NLGN1: variants seen among roughly 807,000 people sequenced by gnomAD.
The protein encoded by NLGN1 is neuroligin-1.
Under a neutral mutation model 65.5 loss-of-function variants are expected in NLGN1, and 12 were observed. The ratio of observed to expected loss-of-function variants is 0.18; its 90% confidence interval spans 0.12 to 0.30. The LOEUF (loss-of-function observed/expected upper bound fraction) is 0.30. Among genes scored for constraint, NLGN1 ranks in the 10% least tolerant of loss-of-function variants. NLGN1 has a pLI of 1.00. For synonymous variants in NLGN1, 350 were observed against 359.5 expected, an observed-to-expected ratio of 0.97 and a Z score of 0.30; for missense variants, 750 against 1,007.1, an observed-to-expected ratio of 0.74 and a Z score of 3.46.
intron 4 of NLGN1, among the ~76,000 whole-genome samples, chr3:174,034,093 A>G (rs1730609233): frequency 6.6e-6 from 1 of 152,132 alleles, no homozygotes. Context: ...GTATAGAGGA[A>G]CAAGGATAAG....
At chr3:174,139,254 G>A (rs1053736245) in intron 4 of NLGN1, among the ~76,000 whole-genome samples, 17 of 151,912 alleles carry the variant, frequency 1.1e-4, no homozygotes, top group African/African-American at 3.9e-4. Context: ...CTAAAAATCT[G>A]TTGTATCTGC....
intron 2 of NLGN1, among the ~76,000 whole-genome samples, chr3:173,493,203 C>T (rs1200220379): frequency 6.6e-6 from 1 of 151,672 alleles, no homozygotes; most frequent in Non-Finnish European, 1.5e-5. Flanking sequence ...ATATCATGCC[C>T]CAAGTCACAC....
intron 2 of NLGN1, among the ~76,000 whole-genome samples, chr3:173,539,782 ATATG>A (rs1738421970): frequency 9.7e-6 from 1 of 102,638 alleles, no homozygotes. Context: ...TAACACATAT[ATATG>A]TACATATATA....
chr3:173,597,737 A>C (rs1380955129), intron 2 of NLGN1, among the ~76,000 whole-genome samples: 1 of 151,808 alleles, frequency 6.6e-6, no homozygotes, highest in Non-Finnish European at 1.5e-5. Flanking sequence ...AGATTGCAAA[A>C]CATACACAAA....
intron 2 of NLGN1, among the ~76,000 whole-genome samples, chr3:173,585,934 C>T (rs1397297511): frequency 6.6e-6 from 1 of 152,158 alleles, no homozygotes; most frequent in East Asian, 1.9e-4. Flanking sequence ...ATTAATCACT[C>T]AAATCAGTGA....
intron 2 of NLGN1, among the ~76,000 whole-genome samples, chr3:173,520,493 G>A (rs1273865228): frequency 1.3e-5 from 2 of 152,206 alleles, no homozygotes; most frequent in Non-Finnish European, 2.9e-5. Context: ...TAATGCTGGG[G>A]CTGAGAATAT....
At chr3:173,508,673 C>A (rs955146824) in intron 2 of NLGN1, among the ~76,000 whole-genome samples, 14 of 152,098 alleles carry the variant, frequency 9.2e-5, no homozygotes, top group Non-Finnish European at 1.8e-4. Flanking sequence ...TCCTGTGGGT[C>A]ATTTGCCAGT....
At chr3:174,269,183 T>A (rs551304289) in intron 4 of NLGN1, among the ~76,000 whole-genome samples, 11 of 151,774 alleles carry the variant, frequency 7.2e-5, no homozygotes, top group East Asian at 5.8e-4. Flanking sequence ...AGTAAAAAAA[T>A]TTAACATTAA....
chr3:173,455,930 G>A (rs984236867), intron 2 of NLGN1, among the ~76,000 whole-genome samples: 3 of 152,086 alleles, frequency 2.0e-5, no homozygotes, highest in African/African-American at 7.2e-5. Context: ...ACAGGTGGGA[G>A]GGTGGAAAGA....
chr3:174,002,635 A>G (rs1163499819), intron 4 of NLGN1, among the ~76,000 whole-genome samples: 3 of 152,174 alleles, frequency 2.0e-5, no homozygotes, highest in Non-Finnish European at 2.9e-5. Flanking sequence ...ACAATGTATG[A>G]AATTGACCTT....
chr3:173,728,869 T>A (rs959853090), intron 3 of NLGN1, among the ~76,000 whole-genome samples: 3 of 152,066 alleles, frequency 2.0e-5, no homozygotes, highest in African/African-American at 7.2e-5. Flanking sequence ...ACTTCAAGCA[T>A]CCAGAACTGT....
chr3:173,484,765 A>G (rs532197562), intron 2 of NLGN1, among the ~76,000 whole-genome samples: 4 of 152,312 alleles, frequency 2.6e-5, no homozygotes, highest in African/African-American at 9.6e-5. Flanking sequence ...GAAACTGAAG[A>G]TGGACATACC....
At chr3:173,454,941 C>T (rs563122554) in intron 2 of NLGN1, among the ~76,000 whole-genome samples, 1 of 152,186 alleles carries the variant, frequency 6.6e-6, no homozygotes, top group East Asian at 1.9e-4. Context: ...ATTAACTGGC[C>T]TAACTTTAAT....
chr3:174,007,444 TC>T (rs1285122904), intron 4 of NLGN1, among the ~76,000 whole-genome samples: 2 of 152,180 alleles, frequency 1.3e-5, no homozygotes, highest in African/African-American at 4.8e-5. Context: ...AACTCTCCTA[TC>T]AATAAACAGT....
chr3:174,253,195 A>G (rs958740533), intron 4 of NLGN1, among the ~76,000 whole-genome samples: 59 of 152,138 alleles, frequency 3.9e-4, no homozygotes, highest in Non-Finnish European at 7.4e-4. Context: ...TAAAAGAAAA[A>G]AAAATGAATT....
chr3:173,925,358 CAG>C lies in NLGN1; in HGVS notation c.646+117531_646+117532del. ...AAAAAAATAGTTCATTTAAAGAATT[CAG>C]AGAGTAGGAACCTTCTGACAAATGA... is the stretch of plus-strand genomic sequence containing the variant. On this transcript the variant is annotated intron_variant, in intron 4 of 6. Transcript: ENST00000457714. 2.6e-5 allele frequency among the ~76,000 whole-genome samples: 4 copies of C among 152,216 alleles called. No homozygotes were observed. In the Middle Eastern group the frequency reaches 0.01, roughly 388 times the overall value.
chr3:173,523,604 G>C (rs115108069), intron 2 of NLGN1, among the ~76,000 whole-genome samples: 1 of 151,614 alleles, frequency 6.6e-6, no homozygotes, highest in East Asian at 1.9e-4. Context: ...ATTCTGTTCC[G>C]TTGGTCTGTG....
chr3:173,870,435 A>G (rs1339794001), intron 4 of NLGN1, among the ~76,000 whole-genome samples: 2 of 152,160 alleles, frequency 1.3e-5, no homozygotes, highest in African/African-American at 4.8e-5. Flanking sequence ...AGAACTAGAA[A>G]AGCAAACAGG....
At chr3:174,193,382 G>A (rs951766339) in intron 4 of NLGN1, among the ~76,000 whole-genome samples, 19 of 152,152 alleles carry the variant, frequency 1.2e-4, no homozygotes, top group Admixed American at 5.9e-4. Context: ...AGTTGGGAGA[G>A]GGATTATTGG....
Sources: allele counts gnomAD v4.1 joint callset (sites outside exome capture counted in the v4.1 genomes callset), GRCh38; gene constraint gnomAD v4.1.1; transcripts MANE v1.5; gene names NCBI Gene and HGNC (gene_info 2026-07-23, HGNC 2026-07-21).